The following MYCBP2 variants were observed in gnomAD, a reference collection of about 807,000 sequenced individuals.
The protein encoded by MYCBP2 is MYC binding protein 2.
MYCBP2 carries 120 observed loss-of-function variants against 525.3 expected under a neutral mutation model. The ratio of observed to expected loss-of-function variants is 0.23; its 90% CI spans 0.20 to 0.27. The LOEUF is 0.27. Among genes scored for constraint, MYCBP2 ranks in the 10% least tolerant of loss-of-function variants. MYCBP2 has a pLI of 1.00. For missense variants in MYCBP2, 4,149 were observed against 5,657.1 expected (o/e 0.73, Z 8.55); for synonymous variants, 1,894 against 1,955.8 (o/e 0.97, Z 0.83).
intron 37 of MYCBP2, 84 bp downstream of exon 37, chr13:77,174,227 T>C (rs1298853609): frequency 6.4e-6 from 8 of 1,245,540 alleles, no homozygotes; most frequent in Non-Finnish European, 9.1e-6. Context: ...ATTATAAGTA[T>C]CCAGTTAGCA....
intron 55 of MYCBP2, among the ~76,000 whole-genome samples, chr13:77,119,210 T>A (rs1182648269): frequency 6.6e-6 from 1 of 152,200 alleles, no homozygotes; most frequent in Non-Finnish European, 1.5e-5. Flanking sequence ...TACAAAAATT[T>A]TTTTTAAGAT....
chr13:77,262,603 T>C (rs1308447957), intron 10 of MYCBP2, among the ~76,000 whole-genome samples: 6 of 152,098 alleles, frequency 3.9e-5, no homozygotes, highest in Middle Eastern at 3.4e-3. Flanking sequence ...ATGCAGATAT[T>C]TGAATTAAAG....
At chr13:77,099,426 C>T (rs1343225121) in intron 55 of MYCBP2, 1 of 195,264 alleles carries the variant, frequency 5.1e-6, no homozygotes, top group African/African-American at 2.4e-5. Context: ...AAATTTCCAG[C>T]AGAGTGATAC....
intron 14 of MYCBP2, among the ~76,000 whole-genome samples, chr13:77,254,488 G>A (rs183711400): frequency 9.0e-4 from 136 of 151,608 alleles, no homozygotes; most frequent in African/African-American, 3.1e-3. Flanking sequence ...ATTCCTTTAC[G>A]TTCGTTTTAA....
intron 10 of MYCBP2, among the ~76,000 whole-genome samples, chr13:77,262,982 C>A (rs966536716): frequency 1.3e-5 from 2 of 151,778 alleles, no homozygotes; most frequent in African/African-American, 2.4e-5. Flanking sequence ...TGCAAAGAAC[C>A]CTACAAGTTA....
intron 75 of MYCBP2, 56 bp from the exon 76 acceptor site, chr13:77,061,357 A>G: frequency 7.1e-7 from 1 of 1,414,248 alleles, no homozygotes; most frequent in Non-Finnish European, 9.6e-7. Flanking sequence ...TCTGAAAGGG[A>G]GAGTATAAAA....
intron 52 of MYCBP2, among the ~76,000 whole-genome samples, chr13:77,138,384 G>A (rs1050897667): frequency 6.6e-6 from 1 of 152,118 alleles, no homozygotes; most frequent in Admixed American, 6.5e-5. Context: ...AAGTCAAATG[G>A]AATATACTGA....
chr13:77,163,677 A>G (rs989639026), intron 43 of MYCBP2, among the ~76,000 whole-genome samples: 1 of 152,126 alleles, frequency 6.6e-6, no homozygotes, highest in East Asian at 1.9e-4. Context: ...AAATTCTTCT[A>G]AAGAGCTACC....
intron 16 of MYCBP2, among the ~76,000 whole-genome samples, 199 bp from the exon 17 acceptor site, chr13:77,243,359 T>C (rs2069223548): frequency 6.6e-6 from 1 of 152,210 alleles, no homozygotes; most frequent in Admixed American, 6.5e-5. Flanking sequence ...ACACCTGTAA[T>C]CCCAGCACTT....
At chr13:77,268,233 T>C (rs1238142711) in intron 7 of MYCBP2, among the ~76,000 whole-genome samples, 2 of 152,164 alleles carry the variant, frequency 1.3e-5, no homozygotes, top group Non-Finnish European at 2.9e-5. Flanking sequence ...GTAAATAATA[T>C]GAATGATCAC....
In MYCBP2 at chr13:77,125,459, A is replaced by G. The variant is rs746057949; in HGVS notation, c.7894T>C (p.Ser2632Pro). The G allele has an allele frequency of 5.6e-5, 90 of 1,613,458 alleles. No individual in the cohort carries two copies. The highest frequency in any genetic ancestry group is 7.3e-5 in the Non-Finnish European group (86 of 1,179,698). ...KVKAVGEVTNSEGTWVQLDQN... is the reference protein window; with the variant it reads ...KVKAVGEVTNPEGTWVQLDQN... Reference sequence around the variant, plus strand: ...TCCAGTTGCACCCATGTCCCTTCAGAATTGGTTACCTGGTACATAACAAAA... The same window carrying G: ...TCCAGTTGCACCCATGTCCCTTCAGGATTGGTTACCTGGTACATAACAAAA... Residue 2632 changes from serine to proline, a missense_variant, in exon 54 of 83, where the codon TCT (serine) becomes CCT (proline). By Grantham distance (74) the Ser-to-Pro change is moderately conservative. This residue lies in a region of MYCBP2 where 653 missense variants were observed against 744.7 expected (regional missense o/e 0.88). Transcript: ENST00000544440.
chr13:77,108,366 T>C (rs1472140151), intron 55 of MYCBP2, among the ~76,000 whole-genome samples: 1 of 152,224 alleles, frequency 6.6e-6, no homozygotes, highest in Non-Finnish European at 1.5e-5. Flanking sequence ...ACAAAAATTC[T>C]GAGCATAATT....
chr13:77,194,190 CAAG>C lies in MYCBP2; in HGVS notation c.3895_3897del (p.Leu1299del). 1 of 1,613,508 alleles carries C rather than the reference CAAG, an allele frequency of 6.2e-7. No homozygotes were observed. The highest frequency in any genetic ancestry group is 8.5e-7 in the Non-Finnish European group (1 of 1,179,638). On this transcript the variant is annotated inframe_deletion, in exon 27 of 83. Coordinates refer to ENST00000544440, the MANE Select transcript of MYCBP2 (RefSeq NM_015057.5). The stretch of plus-strand genomic sequence containing the variant: ...TCATAAGCCAATACATCAGTCTCTG[CAAG>C]AAGGTCACCATCAGTTTCATGATCT...
rs753513375 is a variant in MYCBP2 at position 77,326,473 on chromosome 13, C to T, written c.302+1G>A. ...CAAGGAAGGGCACCCTGGGGACGCA[C>T]CTGGAGGCTGGGTGTCCAGCGCTGC... On this transcript the variant is annotated splice_donor_variant, in intron 1 of 82. Coordinates refer to ENST00000544440, the MANE Select transcript of MYCBP2 (RefSeq NM_015057.5). LOFTEE classifies it high-confidence loss of function. This position sits in a 1 kb window ranked among gnomAD's most constrained non-coding sequence, Gnocchi z 4.2. 6.4e-7 allele frequency: 1 copy of T among 1,568,924 alleles called. No homozygotes were observed.
chr13:77,144,365 T>C, intron 49 of MYCBP2, 80 bp downstream of exon 49: 3 of 985,060 alleles, frequency 3.0e-6, no homozygotes, highest in African/African-American at 3.2e-5. Context: ...TGCAAGTTAA[T>C]GGGCAAAACT....
At chr13:77,056,859 T>C in intron 79 of MYCBP2, 127 bp downstream of exon 79, 1 of 663,392 alleles carries the variant, frequency 1.5e-6, no homozygotes, top group Non-Finnish European at 2.6e-6. Context: ...TCCACATGAA[T>C]GAGAAGGGAA....
chr13:77,058,404 T>C lies in MYCBP2; in HGVS notation c.13143A>G (p.Glu4381=). 1 of 1,589,888 alleles carries C rather than the reference T, an allele frequency of 6.3e-7. No individual in the cohort carries two copies. Residue 4381 remains glutamate, a splice_region_variant and synonymous_variant, in exon 78 of 83, where the codon GAA becomes GAG. Coordinates refer to ENST00000544440, the MANE Select transcript of MYCBP2 (RefSeq NM_015057.5). This position sits in a 1 kb window ranked among gnomAD's most constrained non-coding sequence, Gnocchi z 4.1. ...TCTTACTACAGGCTATCTTAGCGTATTCCTGTTAAAGATGAATTACAATGT... is the reference window on the plus strand; with the variant it reads ...TCTTACTACAGGCTATCTTAGCGTACTCCTGTTAAAGATGAATTACAATGT... ...GSVCSDADCQ[E]YAKIACSKTH... is the part of the protein sequence containing the mutation.
intron 2 of MYCBP2, among the ~76,000 whole-genome samples, chr13:77,292,092 C>A (rs900000968): frequency 1.3e-5 from 2 of 152,172 alleles, no homozygotes; most frequent in Admixed American, 6.5e-5. Flanking sequence ...GTGACCAAAC[C>A]CACAAAGTCT....
intron 17 of MYCBP2, among the ~76,000 whole-genome samples, chr13:77,240,469 G>A (rs769459175): frequency 5.3e-5 from 8 of 152,062 alleles, no homozygotes; most frequent in East Asian, 1.9e-4. Context: ...TTAGCCAGGC[G>A]TGGTGGCGGG....
Sources: gnomAD v4.1 joint callset for allele counts (sites outside exome capture counted in the v4.1 genomes callset) on GRCh38, gnomAD v4.1.1 for gene constraint, gnomAD v4.1.1 regional missense constraint, Gnocchi (gnomAD v3.1) non-coding constraint, MANE v1.5 for transcripts, NCBI Gene and HGNC (gene_info 2026-07-23, HGNC 2026-07-21) for gene names.